GRM8: variants seen among roughly 807,000 people sequenced by gnomAD.
GRM8 encodes metabotropic glutamate receptor 8.
GRM8 carries 47 observed loss-of-function variants against 87.2 expected under a neutral mutation model. The ratio of observed to expected loss-of-function variants is 0.54; its 90% CI spans 0.43 to 0.69. GRM8 has a LOEUF of 0.69. GRM8 is among the 30% of genes least tolerant of loss of function. GRM8 has a pLI of 0.00. For missense variants in GRM8, 1,019 were observed against 1,139.2 expected, an observed-to-expected ratio of 0.89 and a Z score of 1.52; for synonymous variants, 396 against 404.5, an observed-to-expected ratio of 0.98 and a Z score of 0.25.
chr7:126,775,816 G>A (rs1271549915), intron 6 of GRM8, among the ~76,000 whole-genome samples: 2 of 152,018 alleles, frequency 1.3e-5, no homozygotes, highest in Non-Finnish European at 1.5e-5. Flanking sequence ...CACTAATCCT[G>A]GGCCTTCAGC....
intron 6 of GRM8, among the ~76,000 whole-genome samples, chr7:126,794,141 C>G (rs1416742075): frequency 6.6e-6 from 1 of 151,894 alleles, no homozygotes; most frequent in Non-Finnish European, 1.5e-5. Context: ...TGTCTTTGCT[C>G]TATTACTGAA....
chr7:126,945,900 A>T (rs867031154), intron 3 of GRM8, among the ~76,000 whole-genome samples: 1 of 152,248 alleles, frequency 6.6e-6, no homozygotes, highest in Non-Finnish European at 1.5e-5. Flanking sequence ...AAAGTAGAAC[A>T]GTAGAAGACC....
chr7:126,965,123 A>G (rs1197450411), intron 3 of GRM8, among the ~76,000 whole-genome samples: 2 of 152,138 alleles, frequency 1.3e-5, no homozygotes. Context: ...ACACATGGAC[A>G]CAGGGTGGGG....
chr7:126,751,374 C>T (rs2299513), intron 7 of GRM8, among the ~76,000 whole-genome samples: 124,869 of 152,028 alleles, frequency 0.82, 51,902 homozygotes, highest in Non-Finnish European at 0.89. Context: ...CATTATTTCT[C>T]AGAAGGATAT....
At chr7:126,903,695 GTATATATATATGTATATGTGTA>G (rs1563300528) in intron 5 of GRM8, among the ~76,000 whole-genome samples, 5 of 133,206 alleles carry the variant, frequency 3.8e-5, no homozygotes, top group East Asian at 2.2e-4. Context: ...ATGTATATGT[GTATATATATATGTATATGTGTA>G]TATATATATG....
intron 9 of GRM8, among the ~76,000 whole-genome samples, chr7:126,522,697 A>G (rs1417849703): frequency 6.6e-6 from 1 of 152,120 alleles, no homozygotes; most frequent in Admixed American, 6.6e-5. Context: ...TAAACCCACT[A>G]TTTCTATTGT....
chr7:127,158,116 T>C (rs577519416), intron 2 of GRM8, among the ~76,000 whole-genome samples: 29 of 152,264 alleles, frequency 1.9e-4, no homozygotes, highest in African/African-American at 7.0e-4. Context: ...AATTACAAGA[T>C]AGCAACTAAA....
chr7:127,048,274 G>T, intron 3 of GRM8, among the ~76,000 whole-genome samples: 1 of 152,284 alleles, frequency 6.6e-6, no homozygotes, highest in African/African-American at 2.4e-5. Flanking sequence ...CATGGCAGGA[G>T]CATTCCTGGT....
At chr7:126,639,447 G>C (rs1384349731) in intron 7 of GRM8, among the ~76,000 whole-genome samples, 1 of 152,112 alleles carries the variant, frequency 6.6e-6, no homozygotes, top group African/African-American at 2.4e-5. Context: ...GGGACATGAA[G>C]ACAATTCCAT....
At chr7:126,515,931 T>A (rs13241915) in intron 9 of GRM8, among the ~76,000 whole-genome samples, 2 of 151,830 alleles carry the variant, frequency 1.3e-5, no homozygotes, top group Non-Finnish European at 2.9e-5. Flanking sequence ...GCCCTTATTC[T>A]GCTTAACACA....
chr7:127,089,326 T>A (rs1823825962), intron 3 of GRM8, among the ~76,000 whole-genome samples: 1 of 152,178 alleles, frequency 6.6e-6, no homozygotes, highest in Admixed American at 6.5e-5. Context: ...AGAGCTTCTG[T>A]AAGGAGCCAG....
intron 8 of GRM8, among the ~76,000 whole-genome samples, chr7:126,554,745 A>C (rs1443709308): frequency 6.6e-6 from 1 of 152,160 alleles, no homozygotes; most frequent in African/African-American, 2.4e-5. Flanking sequence ...GTTTTCAGAA[A>C]TAGTTTTTCT....
intron 7 of GRM8, among the ~76,000 whole-genome samples, chr7:126,721,949 A>G (rs1449284338): frequency 6.6e-6 from 1 of 152,110 alleles, no homozygotes; most frequent in Non-Finnish European, 1.5e-5. Context: ...TCCTAATCCC[A>G]GGATTTGAAA....
chr7:126,757,149 T>C (rs1041484039), intron 7 of GRM8, among the ~76,000 whole-genome samples: 9 of 152,154 alleles, frequency 5.9e-5, no homozygotes, highest in Non-Finnish European at 8.8e-5. Context: ...AGAAATATAT[T>C]TTATCTTTAT....
chr7:126,822,572 CT>C (rs2130197008), intron 6 of GRM8, among the ~76,000 whole-genome samples: 1 of 150,150 alleles, frequency 6.7e-6, no homozygotes, highest in South Asian at 2.1e-4. Context: ...CTCTCCCTTA[CT>C]TTAGAGATGG....
chr7:126,445,612 G>A (rs982976212), intron 10 of GRM8, among the ~76,000 whole-genome samples: 91 of 152,102 alleles, frequency 6.0e-4, no homozygotes, highest in African/African-American at 2.2e-3. Flanking sequence ...CCAAGGAAAG[G>A]GGACCACGTG....
At chr7:127,024,525 T>C (rs917270322) in intron 3 of GRM8, among the ~76,000 whole-genome samples, 1 of 152,032 alleles carries the variant, frequency 6.6e-6, no homozygotes, top group African/African-American at 2.4e-5. Flanking sequence ...GTCCTCTCCA[T>C]TCTTCATATG....
intron 6 of GRM8, among the ~76,000 whole-genome samples, chr7:126,854,012 G>A (rs1262024675): frequency 6.6e-6 from 1 of 152,146 alleles, no homozygotes; most frequent in East Asian, 1.9e-4. Context: ...AGACTGGTAT[G>A]TGAACATCAG....
chr7:126,638,102 T>A (rs1358001382), intron 7 of GRM8, among the ~76,000 whole-genome samples: 1 of 152,082 alleles, frequency 6.6e-6, no homozygotes, highest in Non-Finnish European at 1.5e-5. Flanking sequence ...GTAACATGGG[T>A]GTGATATGAT....
Sources: allele counts gnomAD v4.1 joint callset (sites outside exome capture counted in the v4.1 genomes callset), GRCh38; gene constraint gnomAD v4.1.1; transcripts MANE v1.5; gene names NCBI Gene and HGNC (gene_info 2026-07-23, HGNC 2026-07-21).